Variants in RNFT2 observed in about 807,000 individuals in gnomAD.
RNFT2 encodes the protein E3 ubiquitin-protein ligase RNFT2.
A neutral mutation model predicts 53.0 loss-of-function variants in RNFT2; 36 were observed. The observed-to-expected ratio is 0.68, with a 90% CI of 0.52 to 0.90. The LOEUF is 0.90. RNFT2 is among the 40% of genes least tolerant of loss of function. The probability of loss-of-function intolerance (pLI) is 0.00; values close to 1 mark genes in which losing one functional copy is unlikely to be tolerated. For missense variants in RNFT2, 514 were observed against 585.6 expected, an observed-to-expected ratio of 0.88 and a Z score of 1.26; for synonymous variants, 260 against 253.2, an observed-to-expected ratio of 1.03 and a Z score of -0.26.
chr12:116,831,262 A>G (rs886155144), intron 7 of RNFT2, among the ~76,000 whole-genome samples: 3 of 151,728 alleles, frequency 2.0e-5, no homozygotes, highest in African/African-American at 7.3e-5. Flanking sequence ...TTGTTTTCTC[A>G]TGATTAGATT....
At chr12:116,815,768 G>T (rs947970830) in intron 7 of RNFT2, among the ~76,000 whole-genome samples, 4 of 152,140 alleles carry the variant, frequency 2.6e-5, no homozygotes, top group Non-Finnish European at 5.9e-5. Context: ...TGGGGCGGGG[G>T]CATTATTCAG....
In RNFT2 at chr12:116,823,548, G is replaced by A. The variant is rs900542481; in HGVS notation, c.883-10244G>A. 8.5e-5 allele frequency among the ~76,000 whole-genome samples: 13 copies of A among 152,302 alleles called. No individual in the cohort carries two copies. The East Asian group carries it at 9.7e-4, about 11-fold the overall frequency. The stretch of plus-strand genomic sequence containing the variant: ...AAAATATGAAAATGAGCTGGGCGCC[G>A]TGGCGCATACCTATAATCCCAGCTA... On this transcript the variant is annotated intron_variant, in intron 7 of 10. Coordinates refer to ENST00000257575, the MANE Select transcript of RNFT2 (RefSeq NM_001382266.1).
At chr12:116,792,621 T>C (rs1874304704) in intron 7 of RNFT2, among the ~76,000 whole-genome samples, 1 of 152,142 alleles carries the variant, frequency 6.6e-6, no homozygotes, top group African/African-American at 2.4e-5. Flanking sequence ...CAGCGCGTAA[T>C]CTAGCCTGTA....
intron 6 of RNFT2, among the ~76,000 whole-genome samples, chr12:116,768,422 A>C (rs1279893404): frequency 6.6e-6 from 1 of 152,152 alleles, no homozygotes; most frequent in African/African-American, 2.4e-5. Flanking sequence ...TTTATATTAC[A>C]GTCATGTGTC....
chr12:116,835,419 GT>G (rs977119122), intron 8 of RNFT2, among the ~76,000 whole-genome samples: 18 of 152,216 alleles, frequency 1.2e-4, no homozygotes, highest in South Asian at 8.3e-4. Context: ...CAAATCAGAG[GT>G]TTTTTTACCC....
At chr12:116,842,051 G>C (rs556664795) in intron 10 of RNFT2, among the ~76,000 whole-genome samples, 1 of 148,450 alleles carries the variant, frequency 6.7e-6, no homozygotes, top group South Asian at 2.1e-4. Flanking sequence ...TGCAGTCAAG[G>C]TATTACCAGG....
At chr12:116,740,082 T>C (rs1433423782) in intron 1 of RNFT2, among the ~76,000 whole-genome samples, 33 of 151,770 alleles carry the variant, frequency 2.2e-4, no homozygotes. Flanking sequence ...GTCGCATGCC[T>C]GTAAGCCTGT....
intron 7 of RNFT2, among the ~76,000 whole-genome samples, chr12:116,809,598 C>G (rs1015196154): frequency 6.6e-6 from 1 of 152,148 alleles, no homozygotes. Flanking sequence ...TCAGACATCC[C>G]GGAGGTCTCT....
At chr12:116,792,456 G>A (rs916493854) in intron 7 of RNFT2, among the ~76,000 whole-genome samples, 7 of 152,096 alleles carry the variant, frequency 4.6e-5, no homozygotes, top group African/African-American at 9.7e-5. Context: ...TCCTTGAAAC[G>A]GACACTGCTA....
At chr12:116,748,499 C>T (rs1029719503) in intron 3 of RNFT2, among the ~76,000 whole-genome samples, 2 of 152,092 alleles carry the variant, frequency 1.3e-5, no homozygotes, top group African/African-American at 4.8e-5. Flanking sequence ...AATTTAACAC[C>T]CCCACCCCCA....
chr12:116,843,826 G>T (rs1210334915), intron 10 of RNFT2, among the ~76,000 whole-genome samples: 1 of 152,116 alleles, frequency 6.6e-6, no homozygotes, highest in Non-Finnish European at 1.5e-5. Context: ...CCCTAGTATC[G>T]CCAGACTTTC....
intron 7 of RNFT2, among the ~76,000 whole-genome samples, chr12:116,808,656 A>T (rs1875203163): frequency 1.3e-5 from 2 of 152,170 alleles, no homozygotes; most frequent in Admixed American, 6.5e-5. Context: ...ACAACCTCAG[A>T]CAATGGAAGA....
intron 7 of RNFT2, among the ~76,000 whole-genome samples, chr12:116,799,356 G>C (rs1874655193): frequency 6.6e-6 from 1 of 152,286 alleles, no homozygotes; most frequent in East Asian, 1.9e-4. Context: ...GGGACAGCCT[G>C]CTAACCAACT....
chr12:116,752,045 A>C (rs11833084), intron 4 of RNFT2, among the ~76,000 whole-genome samples: 7,656 of 152,238 alleles, frequency 0.05, 411 homozygotes, highest in African/African-American at 0.14. Context: ...CTTGTGGTCT[A>C]CTACTTTCCA....
Position 116,766,802 on chromosome 12 carries a change from C to G in RNFT2, c.628-12C>G, listed in dbSNP as rs777758003. ...CACCTTTGATATCACATATCTCTTG[C>G]TTTGTCTTCAGGAGAAGAGGTCAGT... On this transcript the variant is annotated splice_polypyrimidine_tract_variant and intron_variant, in intron 5 of 10. Coordinates refer to ENST00000257575, the MANE Select transcript of RNFT2 (RefSeq NM_001382266.1). 6.4e-7 allele frequency: 1 copy of G among 1,573,980 alleles called. No individual in the cohort carries two copies. The highest frequency in any genetic ancestry group is 1.2e-5 in the South Asian group (1 of 85,890).
intron 7 of RNFT2, among the ~76,000 whole-genome samples, chr12:116,795,303 G>A (rs1412447789): frequency 6.6e-6 from 1 of 151,906 alleles, no homozygotes; most frequent in Non-Finnish European, 1.5e-5. Flanking sequence ...AGCTACTCCA[G>A]AGGCTGAGTC....
At chr12:116,752,987 C>CA (rs1397427972) in intron 4 of RNFT2, among the ~76,000 whole-genome samples, 1 of 152,076 alleles carries the variant, frequency 6.6e-6, no homozygotes, top group Non-Finnish European at 1.5e-5. Context: ...TGTAGCTTGG[C>CA]AAACAGTGGC....
chr12:116,745,268 C>T (rs979612859), intron 3 of RNFT2, among the ~76,000 whole-genome samples: 3 of 151,456 alleles, frequency 2.0e-5, no homozygotes, highest in Non-Finnish European at 2.9e-5. Flanking sequence ...TTTGCCTCCC[C>T]GGTTCAAGCG....
At chr12:116,842,181 C>T (rs1877378170) in intron 10 of RNFT2, among the ~76,000 whole-genome samples, 5 of 151,516 alleles carry the variant, frequency 3.3e-5, no homozygotes. Context: ...TCCTCACTGG[C>T]TCTTGTGGCC....
Sources: gnomAD v4.1 joint callset for allele counts (sites outside exome capture counted in the v4.1 genomes callset) on GRCh38, gnomAD v4.1.1 for gene constraint, MANE v1.5 for transcripts, NCBI Gene and HGNC (gene_info 2026-07-23, HGNC 2026-07-21) for gene names.